The following CSMD2 variants were observed in gnomAD, a reference collection of about 807,000 sequenced individuals.
The protein encoded by CSMD2 is CUB and Sushi multiple domains 2, also known as CUB and sushi domain-containing protein 2.
A neutral mutation model predicts 398.5 loss-of-function variants in CSMD2; 130 were observed. That is an observed-to-expected ratio of 0.33 (90% CI 0.28 to 0.38). CSMD2 has a LOEUF of 0.38. Among genes scored for constraint, CSMD2 ranks in the 10% least tolerant of loss-of-function variants. The pLI is 1.00. For synonymous variants in CSMD2, 1,828 were observed against 1,908.5 expected (o/e 0.96, Z 1.10); for missense variants, 3,829 against 4,764.9 (o/e 0.80, Z 5.78).
intron 3 of CSMD2, among the ~76,000 whole-genome samples, chr1:34,013,411 G>A (rs1295348866): frequency 5.3e-5 from 8 of 152,092 alleles, no homozygotes; most frequent in East Asian, 1.9e-4. Flanking sequence ...TCAGGACCGC[G>A]GGGTAGAACC....
At chr1:33,963,411 A>C (rs1344337100) in intron 3 of CSMD2, among the ~76,000 whole-genome samples, 1 of 152,236 alleles carries the variant, frequency 6.6e-6, no homozygotes, top group African/African-American at 2.4e-5. Flanking sequence ...AAGTGTACAC[A>C]CTTTATTTTA....
chr1:34,007,398 G>A (rs1647093987), intron 3 of CSMD2, among the ~76,000 whole-genome samples: 1 of 152,176 alleles, frequency 6.6e-6, no homozygotes, highest in African/African-American at 2.4e-5. Flanking sequence ...AATCCCTCAA[G>A]ATTGGCCTCC....
At chr1:33,674,124 G>A (rs1462511853) in intron 25 of CSMD2, among the ~76,000 whole-genome samples, 1 of 152,172 alleles carries the variant, frequency 6.6e-6, no homozygotes, top group African/African-American at 2.4e-5. Flanking sequence ...AACCTTAAAT[G>A]TATATGGGCT....
At chr1:33,941,241 C>T (rs6677917) in intron 3 of CSMD2, among the ~76,000 whole-genome samples, 20,476 of 152,218 alleles carry the variant, frequency 0.13, 2,429 homozygotes, top group African/African-American at 0.32. Flanking sequence ...TCAGTGATTG[C>T]ATGACAATGA....
intron 3 of CSMD2, among the ~76,000 whole-genome samples, chr1:33,985,835 C>G (rs1646341299): frequency 1.3e-5 from 2 of 152,136 alleles, no homozygotes; most frequent in South Asian, 4.1e-4. Context: ...GGCCTGGAAT[C>G]TCTTTGATCG....
At position 33,546,098 on chromosome 1, in the gene CSMD2, T is replaced by A. The variant is rs750721302; in HGVS notation, c.9039A>T (p.Gly3013=). ...TGGCTTGACAGGTGCGCTCTGACGA[T>A]CCCCGGAGCACGTGGCCAGCTTCAC... is the stretch of plus-strand genomic sequence containing the variant. The part of the protein sequence containing the change: ...FSCEAGHVLR[G]SSERTCQANG... Residue 3013 remains glycine, a synonymous_variant, in exon 57 of 71, where the codon GGA becomes GGT. Coordinates refer to ENST00000373381, the MANE Select transcript of CSMD2 (RefSeq NM_001281956.2). 6 of 1,614,066 alleles carry A rather than the reference T, an allele frequency of 3.7e-6. No homozygotes were observed. Among genetic ancestry groups the A allele is most frequent in the Non-Finnish European group, 5.1e-6 (6 of 1,180,012 alleles).
At chr1:33,572,409 C>CT in intron 50 of CSMD2, 97 bp downstream of exon 50, 7 of 1,056,302 alleles carry the variant, frequency 6.6e-6, no homozygotes, top group Non-Finnish European at 5.2e-6. Context: ...TTTTTTTTCC[C>CT]CCTCATTACT....
chr1:34,069,450 G>A (rs1370829189), intron 2 of CSMD2, among the ~76,000 whole-genome samples: 6 of 152,160 alleles, frequency 3.9e-5, no homozygotes, highest in Admixed American at 3.9e-4. Flanking sequence ...GCATACATCA[G>A]CTCAAAGAAT....
chr1:34,027,430 G>A (rs1570864154), intron 3 of CSMD2, among the ~76,000 whole-genome samples: 2 of 152,184 alleles, frequency 1.3e-5, no homozygotes, highest in African/African-American at 2.4e-5. Context: ...AGAAGTGTGC[G>A]TTCGTATAAC....
chr1:34,050,628 A>C (rs774628676), intron 2 of CSMD2, among the ~76,000 whole-genome samples: 17 of 152,214 alleles, frequency 1.1e-4, no homozygotes, highest in Non-Finnish European at 2.1e-4. Context: ...TATGCTCTGA[A>C]TCAGCATGCA....
intron 3 of CSMD2, among the ~76,000 whole-genome samples, chr1:34,021,790 C>A (rs1026725106): frequency 1.3e-5 from 2 of 152,206 alleles, no homozygotes; most frequent in African/African-American, 4.8e-5. Flanking sequence ...TCAGAGAGCT[C>A]TGGGTCAGAG....
chr1:34,020,562 G>GT (rs1345572035), intron 3 of CSMD2, among the ~76,000 whole-genome samples: 2 of 152,144 alleles, frequency 1.3e-5, no homozygotes, highest in African/African-American at 4.8e-5. Context: ...CTGCTGTGGG[G>GT]TAGGGGTAGG....
At chr1:33,588,999 T>C (rs1639261727) in intron 44 of CSMD2, among the ~76,000 whole-genome samples, 2 of 152,346 alleles carry the variant, frequency 1.3e-5, no homozygotes, top group Non-Finnish European at 1.5e-5. Flanking sequence ...TTTCCCTGCA[T>C]ATAGATTTAT....
rs1396066714 is a variant in CSMD2 at position 33,817,945 on chromosome 1, A to AGT, written c.1324+1766_1324+1767dup. ...CAATGCAGCAGAGAACTCAGACTTC[A>AGT]GTGGGTCCAAATCACTGGAGAAAAG... On this transcript the variant is annotated intron_variant, in intron 9 of 70. Coordinates refer to ENST00000373381, the MANE Select transcript of CSMD2 (RefSeq NM_001281956.2). 2.6e-5 allele frequency among the ~76,000 whole-genome samples: 4 copies of AGT among 152,232 alleles called. No individual in the cohort carries two copies. The East Asian group carries it at 7.7e-4, about 29-fold the overall frequency.
chr1:33,604,414 T>A (rs2148816596), intron 42 of CSMD2, among the ~76,000 whole-genome samples: 1 of 152,090 alleles, frequency 6.6e-6, no homozygotes, highest in Middle Eastern at 3.4e-3. Context: ...AAACTGAGAG[T>A]TTGAGTCTGA....
intron 42 of CSMD2, among the ~76,000 whole-genome samples, chr1:33,604,836 G>A (rs773519708): frequency 5.9e-5 from 9 of 152,134 alleles, no homozygotes; most frequent in Non-Finnish European, 1.2e-4. Flanking sequence ...AATGGAGCAG[G>A]GAGGGGGAAG....
chr1:34,084,133 C>T (rs1017467056), intron 2 of CSMD2, among the ~76,000 whole-genome samples: 27 of 152,170 alleles, frequency 1.8e-4, no homozygotes, highest in African/African-American at 6.3e-4. Flanking sequence ...GAGCCTCATC[C>T]TCATGGCTGG....
chr1:33,975,344 TACAA>T (rs756959025), intron 3 of CSMD2, among the ~76,000 whole-genome samples: 12 of 152,050 alleles, frequency 7.9e-5, no homozygotes, highest in South Asian at 2.1e-4. Flanking sequence ...TGGGTTAGAG[TACAA>T]ACAGACTTTT....
intron 41 of CSMD2, among the ~76,000 whole-genome samples, chr1:33,606,542 G>T (rs776350210): frequency 9.2e-5 from 14 of 152,220 alleles, no homozygotes; most frequent in Non-Finnish European, 2.1e-4. Flanking sequence ...TGGGTGGGGT[G>T]GCTGCTTAGC....
Sources: allele counts gnomAD v4.1 joint callset (sites outside exome capture counted in the v4.1 genomes callset), GRCh38; gene constraint gnomAD v4.1.1; transcripts MANE v1.5; gene names NCBI Gene and HGNC (gene_info 2026-07-23, HGNC 2026-07-21).